Variants in PKD1L1 observed in about 807,000 individuals in gnomAD.
PKD1L1 encodes the protein polycystin-1-like protein 1.
In PKD1L1, 236 loss-of-function variants were observed where a neutral mutation model predicts 323.4. That is an observed-to-expected ratio of 0.73 (90% confidence interval 0.66 to 0.81). The LOEUF (loss-of-function observed/expected upper bound fraction) is 0.81, where lower values mean the gene tolerates loss of function less well. Among genes scored for constraint, PKD1L1 ranks in the 40% least tolerant of loss-of-function variants. The pLI, the probability that PKD1L1 is intolerant of heterozygous loss-of-function variation, is 0.00. For missense variants in PKD1L1, 3,320 were observed against 3,508.0 expected (o/e 0.95, Z 1.35); for synonymous variants, 1,344 against 1,335.0 (o/e 1.01, Z -0.15).
At position 47,803,364 on chromosome 7, in the gene PKD1L1, C is replaced by T. The variant is rs750656096; in HGVS notation, c.7828-20G>A. ...AGCCCTCTGAGACAGAAGAACATAACAGTCAGTGTGCCATGCCAGTCACTG... is the reference window on the plus strand; with the variant it reads ...AGCCCTCTGAGACAGAAGAACATAATAGTCAGTGTGCCATGCCAGTCACTG... On this transcript the variant is annotated intron_variant, in intron 52 of 56. Transcript: ENST00000289672. The T allele has an allele frequency of 3.1e-6, 5 of 1,612,516 alleles. No individual in the cohort carries two copies. The highest frequency in any genetic ancestry group is 1.1e-5 in the South Asian group (1 of 90,968).
At chr7:47,951,277 G>A (rs1788200742), upstream of PKD1L1, among the ~76,000 whole-genome samples, 1 of 152,162 alleles carries the variant, frequency 6.6e-6, no homozygotes, top group African/African-American at 2.4e-5. Flanking sequence ...TTCTTTGCAT[G>A]AAATCAATGT....
At position 47,946,431 on chromosome 7, in the gene PKD1L1, C is replaced by T. The variant is rs1788097571; in HGVS notation, c.44+1966G>A. ...ACCACACAGCATCACACACAATATA[C>T]ACACACCACACAGCACATACCCACC... On this transcript the variant is annotated intron_variant, in intron 1 of 56. Transcript: ENST00000289672. The surrounding 1 kb of genome is among the most constrained non-coding windows in gnomAD (Gnocchi z 4.1). Among the ~76,000 whole-genome samples, 2 of 150,892 alleles carry T rather than the reference C, an allele frequency of 1.3e-5. No homozygotes were observed. The highest frequency in any genetic ancestry group is 3.0e-5 in the Non-Finnish European group (2 of 67,642).
In PKD1L1 at chr7:47,895,547, CAT is replaced by C. The variant is rs1159428403; in HGVS notation, c.2272-1490_2272-1489del. On this transcript the variant is annotated intron_variant, in intron 14 of 56. Coordinates refer to ENST00000289672, the MANE Select transcript of PKD1L1 (RefSeq NM_138295.5). The stretch of plus-strand genomic sequence containing the variant: ...GGAATTTCAGTTGAATGCATTATCA[CAT>C]ATTCACAGGATATAGGAGTTATGGA... Among the ~76,000 whole-genome samples, 11 of 152,268 alleles carry C rather than the reference CAT, an allele frequency of 7.2e-5. No individual in the cohort carries two copies. The East Asian group carries it at 1.9e-3, about 27-fold the overall frequency.
intron 56 of PKD1L1, among the ~76,000 whole-genome samples, chr7:47,780,162 A>G (rs1786659096): frequency 6.6e-6 from 1 of 152,116 alleles, no homozygotes; most frequent in African/African-American, 2.4e-5. Flanking sequence ...ACAATATCCC[A>G]GCCAGGATAT....
In PKD1L1 at chr7:47,936,740, C is replaced by T. The variant is rs1787874070; in HGVS notation, c.398+106G>A. On this transcript the variant is annotated intron_variant, in intron 4 of 56. Coordinates refer to ENST00000289672, the MANE Select transcript of PKD1L1 (RefSeq NM_138295.5). Reference sequence around the variant, plus strand: ...CTGCATTTGCTAACCCACCCTCGGGCCATGTAGGAACAAGCATCGACTTTC... The same window carrying T: ...CTGCATTTGCTAACCCACCCTCGGGTCATGTAGGAACAAGCATCGACTTTC... 5 of 853,696 alleles carry T rather than the reference C, an allele frequency of 5.9e-6. No homozygotes were observed. In the Admixed American group the frequency reaches 1.2e-4, roughly 20 times the overall value. 52.9% of individuals were successfully genotyped at this position (853,696 alleles called of 1,614,324 possible). A position where few individuals can be genotyped will look rare whatever the true frequency, so the allele number is the denominator to read the frequency against.
chr7:47,921,992 C>A (rs1316659379), intron 7 of PKD1L1, among the ~76,000 whole-genome samples: 1 of 151,156 alleles, frequency 6.6e-6, no homozygotes, highest in Non-Finnish European at 1.5e-5. Context: ...GCTGCCATCT[C>A]CACTCACTGC....
chr7:47,790,779 T>A (rs1278038136), intron 56 of PKD1L1, among the ~76,000 whole-genome samples: 1 of 13,892 alleles, frequency 7.2e-5, no homozygotes. Context: ...TGTTTTCTGT[T>A]TTTTTTTTTG....
At chr7:47,930,322 G>A (rs752341328) in intron 6 of PKD1L1, among the ~76,000 whole-genome samples, 6 of 151,810 alleles carry the variant, frequency 4.0e-5, no homozygotes, top group East Asian at 1.9e-4. Flanking sequence ...TGGCTAACAC[G>A]GTGAAACCCG....
intron 18 of PKD1L1, 53 bp from the exon 19 acceptor site, chr7:47,884,710 G>A: frequency 6.9e-7 from 1 of 1,449,466 alleles, no homozygotes; most frequent in Non-Finnish European, 9.7e-7. Context: ...AGAATCCCCT[G>A]AAATTAACAG....
chr7:47,857,876 G>A (rs769740420), intron 27 of PKD1L1, 44 bp from the exon 28 acceptor site: 3 of 1,561,096 alleles, frequency 1.9e-6, no homozygotes, highest in Non-Finnish European at 2.6e-6. Flanking sequence ...TAACACAAAT[G>A]CACAAACTGT....
At chr7:47,837,871 G>C (rs544410437) in intron 36 of PKD1L1, among the ~76,000 whole-genome samples, 1 of 152,302 alleles carries the variant, frequency 6.6e-6, no homozygotes, top group African/African-American at 2.4e-5. Flanking sequence ...AGAAGCGAAT[G>C]CCAGAAAAAT....
At chr7:47,889,186 G>A (rs74482835) in intron 16 of PKD1L1, among the ~76,000 whole-genome samples, 8,023 of 152,186 alleles carry the variant, frequency 0.053, 544 homozygotes, top group African/African-American at 0.16. Context: ...TCCAGCCCCA[G>A]ACCTCCTGGG....
At position 47,837,883 on chromosome 7, in the gene PKD1L1, G is replaced by A. The variant is rs114044854; in HGVS notation, c.5770-789C>T. On this transcript the variant is annotated intron_variant, in intron 36 of 56. Transcript: ENST00000289672. ...CACAGAAGCGAATGCCAGAAAAATCGTACTAACAGAATGAGAATATATCTT... is the reference window on the plus strand; with the variant it reads ...CACAGAAGCGAATGCCAGAAAAATCATACTAACAGAATGAGAATATATCTT... Among the ~76,000 whole-genome samples the A allele has an allele frequency of 4.2e-3, 639 of 152,256 alleles. 3 individuals carry two copies. The highest frequency in any genetic ancestry group is 0.015 in the African/African-American group (608 of 41,520).
At chr7:47,820,039 A>C (rs935414516) in intron 46 of PKD1L1, among the ~76,000 whole-genome samples, 1 of 152,244 alleles carries the variant, frequency 6.6e-6, no homozygotes, top group African/African-American at 2.4e-5. Flanking sequence ...CATTGAAATC[A>C]TAGCAAAGAA....
intron 3 of PKD1L1, among the ~76,000 whole-genome samples, chr7:47,937,373 G>A (rs990482950): frequency 9.2e-5 from 14 of 152,130 alleles, no homozygotes; most frequent in Admixed American, 5.9e-4. Flanking sequence ...CGAAGGTGGA[G>A]GCACACCTGC....
At chr7:47,850,962 C>T (rs150305597) in intron 31 of PKD1L1, among the ~76,000 whole-genome samples, 23 of 152,228 alleles carry the variant, frequency 1.5e-4, no homozygotes, top group African/African-American at 4.6e-4. Context: ...CTCAAGTTCT[C>T]ATATTTTGGC....
upstream of PKD1L1, among the ~76,000 whole-genome samples, chr7:47,951,335 C>CT (rs1291831760): frequency 6.6e-6 from 1 of 152,298 alleles, no homozygotes; most frequent in South Asian, 2.1e-4. Flanking sequence ...AGGTCTTTCC[C>CT]TTTGTCTTCA....
chr7:47,808,418 G>A, intron 51 of PKD1L1, 31 bp from the exon 52 acceptor site: 1 of 1,612,358 alleles, frequency 6.2e-7, no homozygotes, highest in Non-Finnish European at 8.5e-7. Context: ...GCCCTCAGAT[G>A]GCTCCTGAGG....
intron 8 of PKD1L1, among the ~76,000 whole-genome samples, chr7:47,910,864 T>TGTGTGTGTGTGTGTA (rs1554411360): frequency 7.2e-5 from 3 of 41,666 alleles, no homozygotes; most frequent in African/African-American, 5.5e-4. Context: ...GTGTGTGTAT[T>TGTGTGTGTGTGTGTA]TTTAGTAGAG....
Sources: gnomAD v4.1 joint callset for allele counts (sites outside exome capture counted in the v4.1 genomes callset) on GRCh38, gnomAD v4.1.1 for gene constraint, Gnocchi (gnomAD v3.1) non-coding constraint, MANE v1.5 for transcripts, NCBI Gene and HGNC (gene_info 2026-07-23, HGNC 2026-07-21) for gene names.